Variants in SLC75A1 observed in about 807,000 individuals in gnomAD.
SLC75A1 encodes the protein solute carrier family 75 member 1, also known as major facilitator superfamily domain containing 10.
At chr4:2,931,946 G>A in the SLC75A1 span, 5 of 1,604,842 alleles carry the variant, frequency 3.1e-6, no homozygotes, top group African/African-American at 4.0e-5. Flanking sequence ...CCTGGGGAGA[G>A]GTGGCGCGTG....
the SLC75A1 span, chr4:2,934,693 C>T: frequency 3.5e-5 from 4 of 112,854 alleles, no homozygotes; most frequent in African/African-American, 1.4e-4. Flanking sequence ...CCCCACCCCG[C>T]GCGTCCCCTG....
the SLC75A1 span, chr4:2,931,114 A>G: frequency 1.3e-6 from 2 of 1,587,250 alleles, no homozygotes; most frequent in Non-Finnish European, 1.7e-6. Context: ...TAGGCTGCGC[A>G]GTGTACCCAT....
the SLC75A1 span, chr4:2,932,054 A>C: frequency 2.5e-6 from 4 of 1,610,970 alleles, no homozygotes; most frequent in Non-Finnish European, 3.4e-6. Flanking sequence ...CTGTCTCCAG[A>C]GGGTGGGTCC....
chr4:2,932,159 G>A, the SLC75A1 span: 17 of 1,601,594 alleles, frequency 1.1e-5, no homozygotes, highest in Middle Eastern at 1.7e-4. Flanking sequence ...GGCGCCTGTG[G>A]GGATGGCATT....
the SLC75A1 span, chr4:2,933,957 C>T: frequency 5.9e-6 from 9 of 1,537,412 alleles, no homozygotes; most frequent in Non-Finnish European, 7.0e-6. Flanking sequence ...GGGTGGGGTG[C>T]GGCGGGTCGG....
At chr4:2,933,616 G>T in the SLC75A1 span, 1 of 1,613,462 alleles carries the variant, frequency 6.2e-7, no homozygotes, top group Non-Finnish European at 8.5e-7. Context: ...TCCCGATGGC[G>T]GTGGCAAACC....
the SLC75A1 span, chr4:2,931,966 C>G: frequency 5.0e-6 from 8 of 1,601,732 alleles, no homozygotes; most frequent in Non-Finnish European, 6.8e-6. Context: ...GCTGAGAAGG[C>G]GACCACAGCA....
At chr4:2,931,780 C>T in the SLC75A1 span, 11 of 1,550,258 alleles carry the variant, frequency 7.1e-6, no homozygotes, top group African/African-American at 1.4e-5. Context: ...GAAGCAGGGG[C>T]GTTATTTCAG....
At chr4:2,931,757 G>A in the SLC75A1 span, 2 of 1,540,552 alleles carry the variant, frequency 1.3e-6, no homozygotes, top group South Asian at 1.2e-5. Flanking sequence ...CTGGGGATGG[G>A]GGTTGCTTCC....
the SLC75A1 span, chr4:2,931,818 G>C: frequency 1.9e-6 from 3 of 1,591,888 alleles, no homozygotes; most frequent in Non-Finnish European, 2.6e-6. Flanking sequence ...GCCAGATGGG[G>C]ACCCACCTAC....
At chr4:2,931,374 C>A in the SLC75A1 span, 1 of 1,548,920 alleles carries the variant, frequency 6.5e-7, no homozygotes, top group Non-Finnish European at 8.7e-7. Flanking sequence ...GGGCCACTCA[C>A]CAAAGGAGTA....
At chr4:2,932,034 C>A in the SLC75A1 span, 4 of 1,610,002 alleles carry the variant, frequency 2.5e-6, no homozygotes, top group Admixed American at 6.7e-5. Flanking sequence ...TTGGGTTGGT[C>A]GAGTCCTTAC....
At chr4:2,930,623 C>CA in the SLC75A1 span, 2 of 594,854 alleles carry the variant, frequency 3.4e-6, no homozygotes, top group Non-Finnish European at 5.9e-6. Flanking sequence ...GTTTAAAAAA[C>CA]AAACAGAAGC....
the SLC75A1 span, chr4:2,933,854 C>G: frequency 6.3e-7 from 1 of 1,586,724 alleles, no homozygotes; most frequent in Non-Finnish European, 8.6e-7. Context: ...ACGGTGACCA[C>G]GCGGCGCTCC....
chr4:2,930,852 G>A, the SLC75A1 span: 10 of 1,612,994 alleles, frequency 6.2e-6, no homozygotes, highest in African/African-American at 2.7e-5. Flanking sequence ...TCAGCCTTGA[G>A]CGTCTGTGCC....
At chr4:2,930,663 A>G in the SLC75A1 span, 1 of 645,358 alleles carries the variant, frequency 1.5e-6, no homozygotes, top group Non-Finnish European at 2.7e-6. Flanking sequence ...TGCAGCTCGG[A>G]GTCACTGAAG....
the SLC75A1 span, chr4:2,934,016 G>A: frequency 2.9e-6 from 4 of 1,367,784 alleles, no homozygotes; most frequent in Non-Finnish European, 4.0e-6. Flanking sequence ...CCCCACACCC[G>A]ACAGCCGGCG....
At chr4:2,930,930 C>T in the SLC75A1 span, 1 of 1,613,030 alleles carries the variant, frequency 6.2e-7, no homozygotes, top group South Asian at 1.1e-5. Context: ...GTGAAGCAGG[C>T]CTGGGCCCCG....
At chr4:2,932,408 G>A in the SLC75A1 span, 12 of 1,613,570 alleles carry the variant, frequency 7.4e-6, no homozygotes, top group Non-Finnish European at 9.3e-6. Context: ...GCAGGTCGGA[G>A]GCTGCGAAGA....
Sources: allele counts gnomAD v4.1 joint callset, GRCh38; gene constraint gnomAD v4.1.1; transcripts MANE v1.5; gene names NCBI Gene and HGNC (gene_info 2026-07-23, HGNC 2026-07-21).